The following AK4 variants were observed in gnomAD, a reference collection of about 807,000 sequenced individuals.
The protein encoded by AK4 is adenylate kinase 4, mitochondrial.
AK4 carries 13 observed loss-of-function variants against 24.6 expected under a neutral mutation model. The observed-to-expected ratio is 0.53, with a 90% CI of 0.34 to 0.84. AK4 has a LOEUF of 0.84. Ranked by LOEUF, AK4 falls within the 40% of genes least tolerant of loss-of-function variation. The pLI, the probability that AK4 is intolerant of heterozygous loss-of-function variation, is 0.01. For synonymous variants in AK4, 88 were observed against 107.0 expected (o/e 0.82, Z 1.10); for missense variants, 192 against 288.2 (o/e 0.67, Z 2.42).
At position 65,220,536 on chromosome 1, in the gene AK4, C is replaced by T. The variant is rs139197742; in HGVS notation, c.438+1610C>T. Among the ~76,000 whole-genome samples the T allele has an allele frequency of 3.4e-3, 521 of 152,254 alleles. 3 individuals are homozygous for T. Among genetic ancestry groups the T allele is most frequent in the African/African-American group, 0.012 (490 of 41,558 alleles). On this transcript the variant is annotated intron_variant, in intron 3 of 4. Coordinates refer to ENST00000327299, the MANE Select transcript of AK4 (RefSeq NM_013410.4). ...CATCACCCAGGCTGGAGTGCAGTGG[C>T]GTGATCTCAGCTCACTGCAACGTCC...
chr1:65,212,469 TCACC>T (rs1652001743), intron 2 of AK4, among the ~76,000 whole-genome samples: 1 of 151,986 alleles, frequency 6.6e-6, no homozygotes, highest in South Asian at 2.1e-4. Context: ...CCACCCATGC[TCACC>T]CACCCAACTT....
At position 65,226,120 on chromosome 1, in the gene AK4, C is replaced by T. The variant is rs146709398; in HGVS notation, c.615C>T (p.Tyr205=). Residue 205 remains tyrosine, a synonymous_variant, in exon 5 of 5, where the codon TAC becomes TAT. Transcript: ENST00000327299. ...CGGAGACGAACAAAATCTGGCCCTA[C>T]GTTTACACACTTTTCTCAAACAAGA... The part of the protein sequence containing the change: ...SGTETNKIWP[Y]VYTLFSNKIT... The T allele has an allele frequency of 4.6e-4, 742 of 1,611,270 alleles. No homozygotes were observed. The highest frequency in any genetic ancestry group is 5.8e-4 in the Non-Finnish European group (683 of 1,179,618).
intron 1 of AK4, among the ~76,000 whole-genome samples, chr1:65,155,126 A>G (rs1464743570): frequency 6.6e-6 from 1 of 152,048 alleles, no homozygotes; most frequent in African/African-American, 2.4e-5. Context: ...CTGGGATTAC[A>G]GGTGTGAGCC....
intron 1 of AK4, among the ~76,000 whole-genome samples, chr1:65,152,316 ATCTCTCTCTCTCTCTCTCTCTC>A (rs1158775260): frequency 4.0e-4 from 13 of 32,502 alleles, no homozygotes; most frequent in African/African-American, 1.1e-3. Flanking sequence ...TGCACTTGCT[ATCTCTCTCTCTCTCTCTCTCTC>A]TCTCTCTCTC....
intron 2 of AK4, among the ~76,000 whole-genome samples, chr1:65,200,085 A>G (rs780415417): frequency 2.0e-5 from 3 of 150,302 alleles, no homozygotes; most frequent in Non-Finnish European, 4.4e-5. Flanking sequence ...TCTACTTCAC[A>G]TAAGACTAGG....
At chr1:65,178,850 A>G (rs1007360124) in intron 1 of AK4, among the ~76,000 whole-genome samples, 9 of 152,150 alleles carry the variant, frequency 5.9e-5, no homozygotes, top group South Asian at 4.1e-4. Flanking sequence ...TGATAAGGAA[A>G]TGAGGGTGGG....
intron 1 of AK4, among the ~76,000 whole-genome samples, chr1:65,178,855 G>C (rs1017852162): frequency 1.3e-5 from 2 of 151,162 alleles, no homozygotes; most frequent in Non-Finnish European, 2.9e-5. Flanking sequence ...AGGAAATGAG[G>C]GTGGGAGGTG....
At chr1:65,161,658 A>T (rs578089122) in intron 1 of AK4, among the ~76,000 whole-genome samples, 1 of 152,004 alleles carries the variant, frequency 6.6e-6, no homozygotes, top group African/African-American at 2.4e-5. Context: ...AAGATGTTCT[A>T]TTTCATAATT....
At chr1:65,148,634 C>T in intron 1 of AK4, 82 bp downstream of exon 1, 2 of 1,431,904 alleles carry the variant, frequency 1.4e-6, no homozygotes, top group Non-Finnish European at 1.8e-6. Flanking sequence ...GCTCCCGGAT[C>T]ACGGCGCCCT....
intron 1 of AK4, among the ~76,000 whole-genome samples, chr1:65,185,093 A>G (rs934117357): frequency 1.3e-5 from 2 of 152,200 alleles, no homozygotes; most frequent in Non-Finnish European, 2.9e-5. Flanking sequence ...CAAGGGGCAC[A>G]TGAAGGTCTT....
rs368749427 is a variant in AK4 at position 65,176,694 on chromosome 1, C to T, written c.146-14016C>T. Among the ~76,000 whole-genome samples the T allele has an allele frequency of 3.0e-4, 46 of 152,150 alleles. 1 individual carries two copies. Among genetic ancestry groups the T allele is most frequent in the East Asian group, 9.7e-4 (5 of 5,166 alleles). On this transcript the variant is annotated intron_variant, in intron 1 of 4. Transcript: ENST00000327299. ...CACCACAGAGATAGCAGAGGTCGAA[C>T]GGTCTACCTCTCTCTTGCAGATGAG... is the stretch of plus-strand genomic sequence containing the variant.
At chr1:65,148,699 G>C in intron 1 of AK4, 147 bp downstream of exon 1, 8 of 1,205,802 alleles carry the variant, frequency 6.6e-6, no homozygotes, top group Non-Finnish European at 8.4e-6. Context: ...GCATGCAGCT[G>C]GCGGCCGCGC....
At chr1:65,216,483 A>G (rs1378560446) in intron 2 of AK4, among the ~76,000 whole-genome samples, 10 of 152,098 alleles carry the variant, frequency 6.6e-5, no homozygotes, top group African/African-American at 2.4e-5. Context: ...CGCTTCCCCA[A>G]AGTTCAAATA....
intron 1 of AK4, among the ~76,000 whole-genome samples, chr1:65,160,018 AAGGTTG>A (rs981349569): frequency 2.0e-4 from 30 of 152,078 alleles, no homozygotes; most frequent in African/African-American, 6.5e-4. Flanking sequence ...TGGCTTCAGA[AAGGTTG>A]AGTAACTTGT....
chr1:65,214,634 G>A (rs929069948), intron 2 of AK4, among the ~76,000 whole-genome samples: 2 of 152,182 alleles, frequency 1.3e-5, no homozygotes, highest in Non-Finnish European at 2.9e-5. Flanking sequence ...AGTCCTGAAT[G>A]TGTCTACCTT....
rs754367675 is a variant in AK4, at chr1:65,224,753, G to A, written c.440G>A (p.Gly147Asp). 55 of 1,610,798 alleles carry A rather than the reference G, an allele frequency of 3.4e-5. No individual in the cohort carries two copies. The highest frequency in any genetic ancestry group is 4.5e-5 in the Non-Finnish European group (53 of 1,178,344). The change falls in exon 4 of 5, where the codon GGT becomes GAT. Residue 147 changes from glycine (G) to aspartate (D), a missense_variant and splice_region_variant. Transcript: ENST00000327299. ...AATTGGTTTATTTGGTATTTGTAGG[G>A]TATTGATGACGTCACTGGTGAACCG... ...NLDFNPPHVH[G>D]IDDVTGEPLV...
intron 1 of AK4, among the ~76,000 whole-genome samples, chr1:65,184,728 C>T (rs184455076): frequency 1.6e-4 from 25 of 152,254 alleles, no homozygotes; most frequent in Non-Finnish European, 3.4e-4. Flanking sequence ...TCCAGTTTTC[C>T]GAAATGGGCC....
At chr1:65,178,027 T>C (rs1331314323) in intron 1 of AK4, among the ~76,000 whole-genome samples, 3 of 152,068 alleles carry the variant, frequency 2.0e-5, no homozygotes, top group Non-Finnish European at 2.9e-5. Context: ...TGACCGTGGC[T>C]GTCAGGGGTG....
At chr1:65,178,599 C>T (rs1264903437) in intron 1 of AK4, among the ~76,000 whole-genome samples, 1 of 152,128 alleles carries the variant, frequency 6.6e-6, no homozygotes. Context: ...GAAAAATGAT[C>T]AGGGAAAGCT....
Sources: allele counts gnomAD v4.1 joint callset (sites outside exome capture counted in the v4.1 genomes callset), GRCh38; gene constraint gnomAD v4.1.1; transcripts MANE v1.5; gene names NCBI Gene and HGNC (gene_info 2026-07-23, HGNC 2026-07-21).